Variants in DAB1 observed in about 807,000 individuals in gnomAD.
DAB1 encodes disabled homolog 1.
A neutral mutation model predicts 64.6 loss-of-function variants in DAB1; 15 were observed. The ratio of observed to expected loss-of-function variants is 0.23; its 90% CI spans 0.16 to 0.36. DAB1 has a LOEUF of 0.36. DAB1 is among the 10% of genes least tolerant of loss of function. The pLI is 1.00. For synonymous variants in DAB1, 235 were observed against 251.9 expected, an observed-to-expected ratio of 0.93 and a Z score of 0.64; for missense variants, 596 against 706.7, an observed-to-expected ratio of 0.84 and a Z score of 1.78.
intron 3 of DAB1, among the ~76,000 whole-genome samples, chr1:58,471,830 C>G (rs1204763042): frequency 1.3e-5 from 2 of 152,272 alleles, no homozygotes; most frequent in East Asian, 3.9e-4. Flanking sequence ...TTCCCTGAGG[C>G]CTTCCCAGAA....
chr1:57,873,425 T>A (rs1015554781), intron 1 of DAB1, among the ~76,000 whole-genome samples: 2 of 152,184 alleles, frequency 1.3e-5, no homozygotes, highest in Admixed American at 6.5e-5. Flanking sequence ...GATGAATGAA[T>A]AAGCTATAAT....
At chr1:57,562,742 G>A (rs775764444) in intron 7 of DAB1, among the ~76,000 whole-genome samples, 1 of 152,134 alleles carries the variant, frequency 6.6e-6, no homozygotes, top group Non-Finnish European at 1.5e-5. Context: ...TGCTGACCTG[G>A]TGGTCTTAGT....
intron 3 of DAB1, among the ~76,000 whole-genome samples, chr1:58,435,643 C>T (rs1490785845): frequency 6.6e-6 from 1 of 152,110 alleles, no homozygotes; most frequent in Non-Finnish European, 1.5e-5. Flanking sequence ...CCTGCCTAGC[C>T]CCCTTCTCAT....
chr1:57,803,497 C>T (rs1038870002), intron 6 of DAB1, among the ~76,000 whole-genome samples: 1 of 152,194 alleles, frequency 6.6e-6, no homozygotes, highest in South Asian at 2.1e-4. Flanking sequence ...TGCCACAGAG[C>T]AGGAGGGAAG....
At chr1:57,436,076 C>T (rs1685684826) in intron 7 of DAB1, among the ~76,000 whole-genome samples, 1 of 151,966 alleles carries the variant, frequency 6.6e-6, no homozygotes, top group African/African-American at 2.4e-5. Context: ...GCCACCAAAG[C>T]TGGCTAATTT....
intron 7 of DAB1, among the ~76,000 whole-genome samples, chr1:57,501,581 A>C (rs1644290263): frequency 6.6e-6 from 1 of 152,230 alleles, no homozygotes; most frequent in Non-Finnish European, 1.5e-5. Context: ...CAATAGTAGA[A>C]TGGTAAAGTA....
intron 5 of DAB1, among the ~76,000 whole-genome samples, chr1:58,139,208 C>T (rs1324504169): frequency 6.6e-6 from 1 of 152,088 alleles, no homozygotes; most frequent in Non-Finnish European, 1.5e-5. Context: ...TCATCATTTC[C>T]CCTGCCCCAA....
At chr1:58,490,127 G>C (rs1557438243) in intron 3 of DAB1, among the ~76,000 whole-genome samples, 1 of 152,180 alleles carries the variant, frequency 6.6e-6, no homozygotes, top group Non-Finnish European at 1.5e-5. Flanking sequence ...GAATGCTTCA[G>C]ACGATCAAAC....
intron 3 of DAB1, 95 bp from the exon 4 acceptor site, chr1:57,136,736 A>G (rs1037246895): frequency 4.7e-6 from 3 of 632,760 alleles, no homozygotes; most frequent in Admixed American, 6.3e-5. Flanking sequence ...AACCAATGCC[A>G]CCAATCATGC....
chr1:57,818,771 T>A (rs1569774790), intron 6 of DAB1, among the ~76,000 whole-genome samples: 2 of 149,466 alleles, frequency 1.3e-5, no homozygotes, highest in African/African-American at 4.9e-5. Context: ...TATATATATA[T>A]AATATTTATT....
At chr1:58,441,916 G>A (rs1645013644) in intron 3 of DAB1, among the ~76,000 whole-genome samples, 1 of 152,132 alleles carries the variant, frequency 6.6e-6, no homozygotes, top group African/African-American at 2.4e-5. Context: ...AGTAATTGAG[G>A]GCATCCTGTC....
intron 7 of DAB1, among the ~76,000 whole-genome samples, chr1:57,582,822 G>A (rs1175816719): frequency 9.2e-5 from 14 of 152,244 alleles, no homozygotes; most frequent in Non-Finnish European, 2.9e-5. Flanking sequence ...AACCCACAGG[G>A]TGGATCATGA....
intron 5 of DAB1, among the ~76,000 whole-genome samples, chr1:58,042,795 A>G (rs1166641564): frequency 6.6e-6 from 1 of 152,170 alleles, no homozygotes; most frequent in Non-Finnish European, 1.5e-5. Context: ...ATATTAGAGG[A>G]GCTTAGATTT....
At chr1:58,534,250 T>C (rs369601651) in intron 1 of DAB1, 1 of 871,842 alleles carries the variant, frequency 1.1e-6, no homozygotes, top group Non-Finnish European at 2.0e-6. Context: ...TTGCATTCAA[T>C]TAGATGACAA....
At chr1:58,491,708 G>C (rs575559352) in intron 3 of DAB1, among the ~76,000 whole-genome samples, 2 of 152,276 alleles carry the variant, frequency 1.3e-5, no homozygotes, top group East Asian at 3.9e-4. Context: ...TCAACAAGAA[G>C]AGCTAACTAT....
At chr1:58,509,477 T>C (rs1646039022) in intron 2 of DAB1, among the ~76,000 whole-genome samples, 1 of 141,468 alleles carries the variant, frequency 7.1e-6, no homozygotes, top group Non-Finnish European at 1.5e-5. Context: ...ATAACAAAAC[T>C]GATGGGATAC....
intron 4 of DAB1, among the ~76,000 whole-genome samples, chr1:57,111,472 AC>A (rs770490043): frequency 4.6e-5 from 7 of 152,154 alleles, no homozygotes; most frequent in Non-Finnish European, 1.0e-4. Context: ...TTTTATCTAC[AC>A]CAATTTCTGC....
chr1:57,289,378 C>A (rs1246416478), intron 2 of DAB1, among the ~76,000 whole-genome samples: 2 of 152,216 alleles, frequency 1.3e-5, no homozygotes, highest in Non-Finnish European at 2.9e-5. Flanking sequence ...AATTCTAGTA[C>A]ATACTGGGCT....
At chr1:57,378,821 T>C (rs561372612) in intron 1 of DAB1, among the ~76,000 whole-genome samples, 7 of 152,290 alleles carry the variant, frequency 4.6e-5, no homozygotes, top group African/African-American at 1.4e-4. Flanking sequence ...TAAGAACATA[T>C]GTTTAACCAT....
Sources: gnomAD v4.1 joint callset for allele counts (sites outside exome capture counted in the v4.1 genomes callset) on GRCh38, gnomAD v4.1.1 for gene constraint, MANE v1.5 for transcripts, NCBI Gene and HGNC (gene_info 2026-07-23, HGNC 2026-07-21) for gene names.